The following TRMT1L variants were observed in gnomAD, a reference collection of about 807,000 sequenced individuals.
TRMT1L encodes tRNA (guanine(27)-N(2))-dimethyltransferase.
TRMT1L carries 28 observed loss-of-function variants against 81.6 expected under a neutral mutation model. The ratio of observed to expected loss-of-function variants is 0.34; its 90% CI spans 0.25 to 0.47. TRMT1L has a LOEUF of 0.47. Among genes scored for constraint, TRMT1L ranks in the 20% least tolerant of loss-of-function variants. The pLI, the probability that TRMT1L is intolerant of heterozygous loss-of-function variation, is 1.00. For missense variants in TRMT1L, 739 were observed against 877.1 expected (o/e 0.84, Z 1.99); for synonymous variants, 301 against 303.2 (o/e 0.99, Z 0.07).
chr1:185,124,450 C>T (rs1652573098), intron 12 of TRMT1L, among the ~76,000 whole-genome samples: 1 of 151,566 alleles, frequency 6.6e-6, no homozygotes, highest in Non-Finnish European at 1.5e-5. Context: ...TAATCCCAGC[C>T]ACTTTGGGAG....
At chr1:185,136,872 C>G (rs726335) in intron 10 of TRMT1L, among the ~76,000 whole-genome samples, 1 of 152,028 alleles carries the variant, frequency 6.6e-6, no homozygotes, top group East Asian at 1.9e-4. Flanking sequence ...GAAAGGTGTA[C>G]TATTCAATAC....
In TRMT1L at chr1:185,147,575, TTTTC is replaced by T. The variant is rs527898248; in HGVS notation, c.461-333_461-330del. The stretch of plus-strand genomic sequence containing the variant: ...TATCCTATTCTCTGCCACCTTGACT[TTTTC>T]TTAGGCTTCACCTTTACCTCATGCT... On this transcript the variant is annotated intron_variant, in intron 3 of 14. Transcript: ENST00000367506. 1.8e-4 allele frequency among the ~76,000 whole-genome samples: 27 copies of T among 152,262 alleles called. No homozygotes were observed. In the South Asian group the frequency reaches 5.4e-3, roughly 30 times the overall value.
At position 185,152,498 on chromosome 1, in the gene TRMT1L, C is replaced by T. The variant is rs185143161; in HGVS notation, c.236-563G>A. Among the ~76,000 whole-genome samples the T allele has an allele frequency of 6.6e-5, 10 of 152,278 alleles. No homozygotes were observed. The East Asian group carries it at 7.7e-4, about 12-fold the overall frequency. On this transcript the variant is annotated intron_variant, in intron 1 of 14. Transcript: ENST00000367506. ...CAGACCAAGGAAAACATAAATTCTA[C>T]GCAAGTTAGTTTGAACTTTATTCTT...
chr1:185,127,265 T>C (rs886558431), intron 11 of TRMT1L, among the ~76,000 whole-genome samples: 3 of 152,194 alleles, frequency 2.0e-5, no homozygotes, highest in Non-Finnish European at 2.9e-5. Flanking sequence ...TTAGAAGAAC[T>C]AGAAGGTAGG....
At chr1:185,126,574 G>A (rs1445012992) in intron 11 of TRMT1L, among the ~76,000 whole-genome samples, 9 of 152,182 alleles carry the variant, frequency 5.9e-5, no homozygotes, top group Admixed American at 5.2e-4. Flanking sequence ...ATCAATATAA[G>A]ATATACTAAA....
intron 1 of TRMT1L, among the ~76,000 whole-genome samples, chr1:185,152,631 A>C (rs1014274759): frequency 6.6e-6 from 1 of 152,330 alleles, no homozygotes; most frequent in East Asian, 1.9e-4. Context: ...TAACAGAGAA[A>C]ATTAGCAATG....
intron 1 of TRMT1L, among the ~76,000 whole-genome samples, chr1:185,153,870 T>G (rs1369281585): frequency 6.6e-6 from 1 of 152,224 alleles, no homozygotes; most frequent in African/African-American, 2.4e-5. Flanking sequence ...ACTTTAAAAT[T>G]CAATTCTTGA....
intron 13 of TRMT1L, 102 bp downstream of exon 13, chr1:185,123,755 T>A (rs1652553230): frequency 4.3e-6 from 3 of 703,230 alleles, no homozygotes; most frequent in Non-Finnish European, 6.8e-6. Flanking sequence ...TGAAATGTAT[T>A]TTTAAGTAGG....
At chr1:185,135,362 G>A (rs1467069731) in intron 10 of TRMT1L, among the ~76,000 whole-genome samples, 2 of 151,092 alleles carry the variant, frequency 1.3e-5, no homozygotes, top group Non-Finnish European at 2.9e-5. Flanking sequence ...GCTGCAGTGA[G>A]CCGATACTGT....
At chr1:185,141,743 A>T (rs1653051155) in intron 7 of TRMT1L, among the ~76,000 whole-genome samples, 1 of 152,162 alleles carries the variant, frequency 6.6e-6, no homozygotes, top group Non-Finnish European at 1.5e-5. Flanking sequence ...AAGAATACTG[A>T]GAAATAAATT....
chr1:185,128,799 T>C, intron 10 of TRMT1L, 52 bp from the exon 11 acceptor site: 1 of 1,408,154 alleles, frequency 7.1e-7, no homozygotes, highest in Non-Finnish European at 9.9e-7. Flanking sequence ...CTAATACAAA[T>C]AGTAGTAATT....
intron 2 of TRMT1L, among the ~76,000 whole-genome samples, chr1:185,150,707 CTG>C (rs3834041): frequency 0.1 from 15,149 of 152,210 alleles, 978 homozygotes; most frequent in East Asian, 0.25. Flanking sequence ...ATTTCCCTCT[CTG>C]TAGCTAGTGG....
At position 185,125,241 on chromosome 1, in the gene TRMT1L, G is replaced by T. The variant is rs746422463; in HGVS notation, c.1593-131C>A. The T allele has an allele frequency of 7.6e-4, 410 of 538,544 alleles. 1 individual carries two copies. Among genetic ancestry groups the T allele is most frequent in the Non-Finnish European group, 1.1e-3 (371 of 340,070 alleles). The allele number at this position is 538,544 out of a possible 1,614,324, so 33.4% of individuals were successfully genotyped here. On this transcript the variant is annotated intron_variant, in intron 11 of 14. Coordinates refer to ENST00000367506, the MANE Select transcript of TRMT1L (RefSeq NM_030934.5). ...ACAGAGTAATACTTAAATTCAAAAA[G>T]AATTTATGATTTAATTTAAAACTGT...
intron 13 of TRMT1L, among the ~76,000 whole-genome samples, chr1:185,122,021 T>C (rs1001936970): frequency 6.6e-6 from 1 of 152,120 alleles, no homozygotes; most frequent in African/African-American, 2.4e-5. Context: ...CTCCCACTTG[T>C]AAGTTAGAAC....
Position 185,156,724 on chromosome 1 carries a change from C to T in TRMT1L, c.-12G>A, listed in dbSNP as rs1653606490. On this transcript the variant is annotated 5_prime_UTR_variant, in exon 1 of 15. Transcript: ENST00000367506. ...GCCATATTCTCCATAGTTACCGCCT[C>T]CGTGCCAAGCCCGCCCGGGGACCCG... 1 of 1,612,326 alleles carries T rather than the reference C, an allele frequency of 6.2e-7. No homozygotes were observed.
rs770328321 is a variant in TRMT1L at position 185,123,883 on chromosome 1, G to T, written c.1796C>A (p.Thr599Asn). The T allele has an allele frequency of 1.2e-5, 18 of 1,513,850 alleles. No individual in the cohort carries two copies. The highest frequency in any genetic ancestry group is 1.6e-5 in the Non-Finnish European group (18 of 1,130,188). The allele number at this position is 1,513,850 out of a possible 1,614,324, so 93.8% of individuals were successfully genotyped here. The stretch of plus-strand genomic sequence containing the variant: ...TTGTGCAATGTAATTATCTGTTGTG[G>T]TGTCATCTGTAGTTTTAATAAATAC... ...NGVFIKTTDD[T>N]TTDNYIAQGK... The change falls in exon 13 of 15, where the codon ACC (threonine) becomes AAC (asparagine). Residue 599 changes from threonine (T) to asparagine (N), a missense_variant. Thr to Asn is a moderately conservative substitution (Grantham distance 65). Coordinates refer to ENST00000367506, the MANE Select transcript of TRMT1L (RefSeq NM_030934.5).
In TRMT1L at chr1:185,147,198, T is replaced by A; in HGVS notation, c.509A>T (p.Asn170Ile). The change falls in exon 4 of 15, where the codon AAC becomes ATC. Residue 170 changes from asparagine to isoleucine, a missense_variant. Coordinates refer to ENST00000367506, the MANE Select transcript of TRMT1L (RefSeq NM_030934.5). The part of the protein sequence containing the change: ...CHLPCRPVKP[N>I]IIGEQITSKM... ...TCTGATCACCTGTTCTCCAATAATG[T>A]TTGGTTTCACTGGTCGACAAGGTAA... The A allele has an allele frequency of 6.2e-7, 1 of 1,609,468 alleles. No homozygotes were observed. The highest frequency in any genetic ancestry group is 8.5e-7 in the Non-Finnish European group (1 of 1,176,978).
At chr1:185,126,699 T>C (rs979826336) in intron 11 of TRMT1L, among the ~76,000 whole-genome samples, 1 of 152,196 alleles carries the variant, frequency 6.6e-6, no homozygotes, top group African/African-American at 2.4e-5. Flanking sequence ...TGTAAAGCCA[T>C]GAACACAATA....
rs529950054 is a variant in TRMT1L at position 185,144,999 on chromosome 1, G to T, written c.655+440C>A. Among the ~76,000 whole-genome samples, 3 of 151,792 alleles carry T rather than the reference G, an allele frequency of 2.0e-5. No individual in the cohort carries two copies. The South Asian group carries it at 6.2e-4, about 31-fold the overall frequency. ...TTCATTACATATAATACATGCTTTA[G>T]GCCATTAGTGCTTGATTTAATTCTT... On this transcript the variant is annotated intron_variant, in intron 5 of 14. Coordinates refer to ENST00000367506, the MANE Select transcript of TRMT1L (RefSeq NM_030934.5).
Sources: allele counts gnomAD v4.1 joint callset (sites outside exome capture counted in the v4.1 genomes callset), GRCh38; gene constraint gnomAD v4.1.1; transcripts MANE v1.5; gene names NCBI Gene and HGNC (gene_info 2026-07-23, HGNC 2026-07-21).